Variants in TCERG1 observed in about 807,000 individuals in gnomAD.
TCERG1 encodes transcription elongation regulator 1.
Under a neutral mutation model 144.7 loss-of-function variants are expected in TCERG1, and 37 were observed. The ratio of observed to expected loss-of-function variants is 0.26; its 90% CI spans 0.20 to 0.34. TCERG1 has a LOEUF of 0.34. Among genes scored for constraint, TCERG1 ranks in the 10% least tolerant of loss-of-function variants. The probability of loss-of-function intolerance (pLI) is 1.00; values close to 1 mark genes in which losing one functional copy is unlikely to be tolerated. For synonymous variants in TCERG1, 492 were observed against 458.2 expected (o/e 1.07, Z -0.94); for missense variants, 1,027 against 1,380.7 (o/e 0.74, Z 4.06).
chr5:146,483,644 G>A lies in TCERG1; in HGVS notation c.2163+15G>A, dbSNP rs1325388565. On this transcript the variant is annotated intron_variant, in intron 15 of 22. Transcript: ENST00000679501. ...AGAGAAAACAGGTAAAAGGAAAATG[G>A]CATTAACTAAGAATGTATATCTCTT... 7 of 1,589,890 alleles carry A rather than the reference G, an allele frequency of 4.4e-6. No individual in the cohort carries two copies. Among genetic ancestry groups the A allele is most frequent in the African/African-American group, 4.1e-5 (3 of 73,996 alleles).
At chr5:146,505,035 ACT>A (rs1303884098) in intron 19 of TCERG1, among the ~76,000 whole-genome samples, 97 of 150,776 alleles carry the variant, frequency 6.4e-4, no homozygotes, top group African/African-American at 2.2e-3. Flanking sequence ...ACAGAGTGAG[ACT>A]CTGTCTCAAA....
rs771817068 is a variant in TCERG1 at position 146,463,713 on chromosome 5, C to T, written c.1055C>T (p.Thr352Ile). The change falls in exon 5 of 23, where the codon ACA (threonine) becomes ATA (isoleucine). Residue 352 changes from threonine to isoleucine, a missense_variant. Thr to Ile is a moderately conservative substitution (Grantham distance 89). Around this residue, in one of 6 missense-constraint regions of TCERG1, gnomAD observed 187 missense variants for 169.1 expected, o/e 1.11. Coordinates refer to ENST00000679501, the MANE Select transcript of TCERG1 (RefSeq NM_001382548.1). ...GTTCCTCATTCAGTACCTCAGCCAA[C>T]AACAGCAATACCTGCTTTTCCACCA... Reference protein sequence around the residue: ...PAVPHSVPQPTTAIPAFPPVM... With the variant: ...PAVPHSVPQPITAIPAFPPVM... 5 of 1,614,092 alleles carry T rather than the reference C, an allele frequency of 3.1e-6. No homozygotes were observed. Among genetic ancestry groups the T allele is most frequent in the Non-Finnish European group, 4.2e-6 (5 of 1,180,040 alleles).
intron 1 of TCERG1, among the ~76,000 whole-genome samples, chr5:146,449,947 T>TC (rs397706122): frequency 1.2e-5 from 1 of 83,754 alleles, no homozygotes; most frequent in East Asian, 6.2e-3. Flanking sequence ...CTTAAGAAAA[T>TC]ATTTTTCTGT....
chr5:146,454,037 C>CAAAAAAAAAAAA (rs56657111), intron 1 of TCERG1, among the ~76,000 whole-genome samples: 1 of 129,838 alleles, frequency 7.7e-6, no homozygotes, highest in African/African-American at 3.0e-5. Context: ...TACTCAAATA[C>CAAAAAAAAAAAA]AAAAAAAAAA....
intron 3 of TCERG1, 49 bp from the exon 4 acceptor site, chr5:146,458,835 T>C (rs778906029): frequency 2.1e-5 from 33 of 1,551,766 alleles, no homozygotes; most frequent in Non-Finnish European, 2.3e-5. Context: ...TTGTTTTTAA[T>C]AATAACTGAC....
chr5:146,468,053 G>A (rs965691413), intron 5 of TCERG1, among the ~76,000 whole-genome samples: 3 of 152,176 alleles, frequency 2.0e-5, no homozygotes, highest in South Asian at 4.1e-4. Context: ...TTATGTATGT[G>A]TAATGAAGGG....
intron 18 of TCERG1, 66 bp downstream of exon 18, chr5:146,503,605 G>A (rs1767680395): frequency 1.9e-6 from 3 of 1,545,872 alleles, no homozygotes; most frequent in South Asian, 1.2e-5. Context: ...AAGGGTATAT[G>A]TTGTTGTTGG....
intron 15 of TCERG1, among the ~76,000 whole-genome samples, chr5:146,491,864 A>G (rs549588091): frequency 1.8e-4 from 28 of 152,356 alleles, no homozygotes; most frequent in Admixed American, 9.1e-4. Flanking sequence ...GTAAGGGTAT[A>G]AGCATGGCTG....
intron 15 of TCERG1, among the ~76,000 whole-genome samples, chr5:146,487,655 A>T (rs2150634203): frequency 6.6e-6 from 1 of 151,662 alleles, no homozygotes; most frequent in African/African-American, 2.4e-5. Flanking sequence ...GGATCACTTG[A>T]TCCAGGAGTT....
intron 7 of TCERG1, among the ~76,000 whole-genome samples, chr5:146,469,995 C>T (rs973751575): frequency 3.9e-5 from 6 of 151,998 alleles, no homozygotes; most frequent in African/African-American, 1.4e-4. Context: ...CATATTTTTA[C>T]TGTTAGGAAT....
intron 5 of TCERG1, among the ~76,000 whole-genome samples, chr5:146,466,552 T>A (rs992603606): frequency 1.3e-5 from 2 of 152,204 alleles, no homozygotes. Context: ...ATTTCTTAGA[T>A]AATAATTTGA....
chr5:146,495,657 C>G (rs780500747), intron 16 of TCERG1, among the ~76,000 whole-genome samples: 5 of 152,202 alleles, frequency 3.3e-5, no homozygotes, highest in Non-Finnish European at 7.3e-5. Flanking sequence ...GAGTGATACT[C>G]TTAACCTTCA....
intron 8 of TCERG1, 148 bp downstream of exon 8, chr5:146,470,896 G>T: frequency 1.8e-6 from 1 of 543,586 alleles, no homozygotes. Flanking sequence ...TCTTAATTCA[G>T]TTTTTTCTTT....
chr5:146,504,046 G>C, intron 19 of TCERG1, 40 bp downstream of exon 19: 3 of 1,411,408 alleles, frequency 2.1e-6, no homozygotes, highest in Non-Finnish European at 2.8e-6. Flanking sequence ...TAAAGTACTG[G>C]ATATTGGAAA....
At position 146,510,675 on chromosome 5, in the gene TCERG1, A is replaced by G. The variant is rs752421299; in HGVS notation, c.*33A>G. Reference sequence around the variant, plus strand: ...TACTCTTCCATAGGGGCATCTATTCAAAATGCTTGCATGAGCCAATTTTCA... The same window carrying G: ...TACTCTTCCATAGGGGCATCTATTCGAAATGCTTGCATGAGCCAATTTTCA... On this transcript the variant is annotated 3_prime_UTR_variant, in exon 23 of 23. Transcript: ENST00000679501. The G allele has an allele frequency of 5.1e-6, 8 of 1,583,122 alleles. No homozygotes were observed. In the South Asian group the frequency reaches 9.2e-5, roughly 18 times the overall value.
At chr5:146,454,952 T>G in intron 1 of TCERG1, 104 bp from the exon 2 acceptor site, 11 of 1,265,690 alleles carry the variant, frequency 8.7e-6, no homozygotes, top group Non-Finnish European at 1.2e-5. Context: ...CCAACTCCAC[T>G]TAGACTTAAG....
At chr5:146,497,978 C>T (rs1299727309) in intron 16 of TCERG1, among the ~76,000 whole-genome samples, 1 of 152,190 alleles carries the variant, frequency 6.6e-6, no homozygotes, top group East Asian at 1.9e-4. Context: ...GTAGATTCCT[C>T]TTCACCCAAG....
intron 9 of TCERG1, among the ~76,000 whole-genome samples, chr5:146,476,745 A>C (rs551568242): frequency 1.8e-4 from 28 of 152,028 alleles, no homozygotes; most frequent in African/African-American, 6.3e-4. Context: ...GTCCGTCCCC[A>C]CCTCCTCTGT....
chr5:146,475,049 T>C (rs1401871194), intron 9 of TCERG1, among the ~76,000 whole-genome samples: 1 of 152,210 alleles, frequency 6.6e-6, no homozygotes, highest in Non-Finnish European at 1.5e-5. Flanking sequence ...CATTTCCTGT[T>C]CCTGCTCCAA....
Sources: gnomAD v4.1 joint callset for allele counts (sites outside exome capture counted in the v4.1 genomes callset) on GRCh38, gnomAD v4.1.1 for gene constraint, gnomAD v4.1.1 regional missense constraint, MANE v1.5 for transcripts, NCBI Gene and HGNC (gene_info 2026-07-23, HGNC 2026-07-21) for gene names.